The following TIFAB variants were observed in gnomAD, a reference collection of about 807,000 sequenced individuals.
The protein encoded by TIFAB is TIFA inhibitor.
For synonymous variants in TIFAB, 116 were observed against 95.2 expected (o/e 1.22, Z -1.27); for missense variants, 222 against 203.6 (o/e 1.09, Z -0.55).
At chr5:135,449,990 C>A (rs994158442) in intron 1 of TIFAB, 41 bp from the exon 2 acceptor site, 1 of 1,510,832 alleles carries the variant, frequency 6.6e-7, no homozygotes, top group African/African-American at 1.4e-5. Flanking sequence ...CAGCTTCAGT[C>A]AGAGACCTCT....
At chr5:135,450,067 T>A in intron 1 of TIFAB, 118 bp from the exon 2 acceptor site, 1 of 1,362,158 alleles carries the variant, frequency 7.3e-7, no homozygotes, top group Non-Finnish European at 9.9e-7. Context: ...ACAATCACTC[T>A]GCCCAAGCCA....
chr5:135,449,792 G>A lies in TIFAB; in HGVS notation c.148C>T (p.Leu50Phe), dbSNP rs778265867. The change falls in exon 2 of 2, where the codon CTC becomes TTC. Residue 50 changes from leucine to phenylalanine, a missense_variant. Coordinates refer to ENST00000537858, the MANE Select transcript of TIFAB (RefSeq NM_001099221.2). ...AGGTGACGGCGGGAGAGGCGAGGGA[G>A]CTGCAGCTGGAGGTGGGCGTCCTGC... ...RGQDAHLQLQLPRLSRRHLSL... is the reference protein window; with the variant it reads ...RGQDAHLQLQFPRLSRRHLSL... The A allele has an allele frequency of 6.2e-7, 1 of 1,610,824 alleles. No homozygotes were observed.
At position 135,447,880 on chromosome 5, in the gene TIFAB, T is replaced by C. The variant is rs1310422533; in HGVS notation, c.*1574A>G. The C allele has an allele frequency of 1.3e-5, 2 of 152,252 alleles. No homozygotes were observed. The highest frequency in any genetic ancestry group is 2.9e-5 in the Non-Finnish European group (2 of 68,070). The allele number at this position is 152,252 out of a possible 1,614,324, so 9.4% of individuals were successfully genotyped here. ...TGAGGGAGTTTGCCTTATTCACTTC[T>C]GGTTCAGTTCCGTGGCTTTGCACAG... On this transcript the variant is annotated 3_prime_UTR_variant, in exon 2 of 2. Transcript: ENST00000537858.
rs756109202 is a variant in TIFAB, at chr5:135,449,473, G to A, written c.467C>T (p.Pro156Leu). 1 of 1,613,788 alleles carries A rather than the reference G, an allele frequency of 6.2e-7. No individual in the cohort carries two copies. The highest frequency in any genetic ancestry group is 1.3e-5 in the African/African-American group (1 of 74,934). Residue 156 changes from proline (P) to leucine (L), a missense_variant, in exon 2 of 2, where the codon CCT (proline) becomes CTT (leucine). Physicochemically the swap from Pro to Leu is moderately conservative, Grantham distance 98. Transcript: ENST00000537858. ...GATCTGCTACCCTGAACCAGGGGGAGGCTGCCCCTGGGAGATGCCTTCCCA... is the reference window on the plus strand; with the variant it reads ...GATCTGCTACCCTGAACCAGGGGGAAGCTGCCCCTGGGAGATGCCTTCCCA... Reference protein sequence around the residue: ...DEWEGISQGQPPPGSG With the variant: ...DEWEGISQGQLPPGSG
rs776166540 is a variant in TIFAB, at chr5:135,446,422, T to C, written c.*3032A>G. ...TGCGGTGGGAGCTGAGAGAATGCAG[T>C]GGAGGTTGTTGGGAGGAACTCACCC... On this transcript the variant is annotated 3_prime_UTR_variant, in exon 2 of 2. Coordinates refer to ENST00000537858, the MANE Select transcript of TIFAB (RefSeq NM_001099221.2). 13 of 1,611,894 alleles carry C rather than the reference T, an allele frequency of 8.1e-6. No individual in the cohort carries two copies. In the Admixed American group the frequency reaches 1.7e-4, roughly 21 times the overall value.
At position 135,449,943 on chromosome 5, in the gene TIFAB, A is replaced by G. The variant is rs779016545; in HGVS notation, c.-4T>C. The G allele has an allele frequency of 6.6e-7, 1 of 1,517,472 alleles. No individual in the cohort carries two copies. The highest frequency in any genetic ancestry group is 2.3e-5 in the East Asian group (1 of 43,946). The allele number at this position is 1,517,472 out of a possible 1,614,324, so 94.0% of individuals were successfully genotyped here. A position where few individuals can be genotyped will look rare whatever the true frequency, so the allele number is the denominator to read the frequency against. Reference sequence around the variant, plus strand: ...GGACGGTGAGGGGCTTCTCCATGGAAGAAGTCCTGGGAAGTTGGAACATGG... The same window carrying G: ...GGACGGTGAGGGGCTTCTCCATGGAGGAAGTCCTGGGAAGTTGGAACATGG... On this transcript the variant is annotated 5_prime_UTR_variant, in exon 2 of 2. Transcript: ENST00000537858.
chr5:135,446,279 A>C lies in TIFAB; in HGVS notation c.*3175T>G. Reference sequence around the variant, plus strand: ...TTCTAACCCAGGCAGCAGTCTGACCAGAGGGCCCTAGCTGGGAGCAGCGTT... The same window carrying C: ...TTCTAACCCAGGCAGCAGTCTGACCCGAGGGCCCTAGCTGGGAGCAGCGTT... On this transcript the variant is annotated 3_prime_UTR_variant, in exon 2 of 2. Coordinates refer to ENST00000537858, the MANE Select transcript of TIFAB (RefSeq NM_001099221.2). 1 of 1,447,588 alleles carries C rather than the reference A, an allele frequency of 6.9e-7. No homozygotes were observed. Among genetic ancestry groups the C allele is most frequent in the Non-Finnish European group, 9.3e-7 (1 of 1,072,978 alleles). The allele number at this position is 1,447,588 out of a possible 1,614,324, so 89.7% of individuals were successfully genotyped here.
In TIFAB at chr5:135,449,601, C is replaced by T. The variant is rs1769330180; in HGVS notation, c.339G>A (p.Leu113=). The change falls in exon 2 of 2, where the codon CTG becomes CTA. Residue 113 remains leucine (L), a synonymous_variant. Coordinates refer to ENST00000537858, the MANE Select transcript of TIFAB (RefSeq NM_001099221.2). ...NRVSFSGIQM[L]VRVEEGTSLE... ...GGGATGTGCCTTCTTCTACGCGAAC[C>T]AGCATCTGGATGCCTGAGAAGGAGA... The T allele has an allele frequency of 6.2e-7, 1 of 1,614,114 alleles. No individual in the cohort carries two copies. The highest frequency in any genetic ancestry group is 1.7e-5 in the Admixed American group (1 of 60,018).
chr5:135,452,031 C>T (rs188726834), intron 1 of TIFAB, among the ~76,000 whole-genome samples, 178 bp downstream of exon 1: 4 of 152,358 alleles, frequency 2.6e-5, no homozygotes, highest in Admixed American at 6.5e-5. Context: ...CAGGCTGTCC[C>T]GTGTCTTTTG....
At position 135,449,539 on chromosome 5, in the gene TIFAB, G is replaced by C. The variant is rs764345039; in HGVS notation, c.401C>G (p.Ser134Ter). 3.7e-6 allele frequency: 6 copies of C among 1,614,224 alleles called. No individual in the cohort carries two copies. Among genetic ancestry groups the C allele is most frequent in the Non-Finnish European group, 5.1e-6 (6 of 1,180,044 alleles). Residue 134 changes from serine (S) to a stop codon, truncating the protein, a stop_gained, in exon 2 of 2, where the codon TCA becomes TGA. Coordinates refer to ENST00000537858, the MANE Select transcript of TIFAB (RefSeq NM_001099221.2). LOFTEE classifies it low-confidence loss of function (END_TRUNC). Reference protein sequence around the residue: ...AFVCYFHVSPSPLIYRPEAEE... With the variant: ...AFVCYFHVSP ...AGCCTCAGGTCTGTAAATCAGGGGT[G>C]AAGGGCTGACATGGAAATAGCAGAC... is the stretch of plus-strand genomic sequence containing the variant.
Position 135,446,884 on chromosome 5 carries a change from G to A in TIFAB, c.*2570C>T. The A allele has an allele frequency of 6.2e-7, 1 of 1,613,826 alleles. No homozygotes were observed. The highest frequency in any genetic ancestry group is 8.5e-7 in the Non-Finnish European group (1 of 1,179,810). ...CCTCTCGCAGGACCCCAGCTGGCAA[G>A]GTTTTGTTCCTCCCTGGAGGGTAGA... On this transcript the variant is annotated 3_prime_UTR_variant, in exon 2 of 2. Coordinates refer to ENST00000537858, the MANE Select transcript of TIFAB (RefSeq NM_001099221.2).
chr5:135,449,379 C>A lies in TIFAB; in HGVS notation c.*75G>T. ...CTCTGGAGCTGTATTTCTGTTCCTCCTCCAGGTCTTGGCTGGAGAGGGCTG... is the reference window on the plus strand; with the variant it reads ...CTCTGGAGCTGTATTTCTGTTCCTCATCCAGGTCTTGGCTGGAGAGGGCTG... On this transcript the variant is annotated 3_prime_UTR_variant, in exon 2 of 2. Transcript: ENST00000537858. 1.3e-6 allele frequency: 2 copies of A among 1,568,846 alleles called. No individual in the cohort carries two copies.
rs1769278416 is a variant in TIFAB, at chr5:135,446,942, A to G, written c.*2512T>C. On this transcript the variant is annotated 3_prime_UTR_variant, in exon 2 of 2. Transcript: ENST00000537858. Reference sequence around the variant, plus strand: ...ACTGAGGCCCTGGAGAGGGGCACTCAGGGGCAGCAGCTCATTCCCAAAGTT... The same window carrying G: ...ACTGAGGCCCTGGAGAGGGGCACTCGGGGGCAGCAGCTCATTCCCAAAGTT... The G allele has an allele frequency of 1.9e-6, 3 of 1,612,664 alleles. No homozygotes were observed. Among genetic ancestry groups the G allele is most frequent in the Non-Finnish European group, 2.5e-6 (3 of 1,179,254 alleles).
At position 135,446,598 on chromosome 5, in the gene TIFAB, A is replaced by AT; in HGVS notation, c.*2855dup. 5 of 1,614,032 alleles carry AT rather than the reference A, an allele frequency of 3.1e-6. No homozygotes were observed. Among genetic ancestry groups the AT allele is most frequent in the Non-Finnish European group, 4.2e-6 (5 of 1,179,884 alleles). On this transcript the variant is annotated 3_prime_UTR_variant, in exon 2 of 2. Transcript: ENST00000537858. Reference sequence around the variant, plus strand: ...TTCAGTGATTTTCTACTCAAGAAAAATGAAGTCTCGGATGGGCAGAGCTTA... The same window carrying AT: ...TTCAGTGATTTTCTACTCAAGAAAAATTGAAGTCTCGGATGGGCAGAGCTTA...
chr5:135,449,988 G>A (rs1769338606), intron 1 of TIFAB, 39 bp from the exon 2 acceptor site: 2 of 1,511,240 alleles, frequency 1.3e-6, no homozygotes, highest in Non-Finnish European at 1.8e-6. Context: ...CTCAGCTTCA[G>A]TCAGAGACCT....
At position 135,448,208 on chromosome 5, in the gene TIFAB, A is replaced by G. The variant is rs1769304734; in HGVS notation, c.*1246T>C. 6.6e-6 allele frequency: 1 copy of G among 152,204 alleles called. No homozygotes were observed. Among genetic ancestry groups the G allele is most frequent in the African/African-American group, 2.4e-5 (1 of 41,430 alleles). The allele number at this position is 152,204 out of a possible 1,614,324, so 9.4% of individuals were successfully genotyped here. A position where few individuals can be genotyped will look rare whatever the true frequency, so the allele number is the denominator to read the frequency against. ...GTGCAAAACGATCATCCTTTTGGGC[A>G]GAAAACAGAAATTGTTGACAGCTAC... is the stretch of plus-strand genomic sequence containing the variant. On this transcript the variant is annotated 3_prime_UTR_variant, in exon 2 of 2. Coordinates refer to ENST00000537858, the MANE Select transcript of TIFAB (RefSeq NM_001099221.2).
intron 1 of TIFAB, among the ~76,000 whole-genome samples, chr5:135,451,487 T>C (rs1267626721): frequency 6.8e-6 from 1 of 148,100 alleles, no homozygotes; most frequent in Non-Finnish European, 1.5e-5. Context: ...TTTTTTTTCT[T>C]TTTTTTTTTT....
rs750262105 is a variant in TIFAB at position 135,446,759 on chromosome 5, C to T, written c.*2695G>A. On this transcript the variant is annotated 3_prime_UTR_variant, in exon 2 of 2. Coordinates refer to ENST00000537858, the MANE Select transcript of TIFAB (RefSeq NM_001099221.2). Reference sequence around the variant, plus strand: ...CCGCCTGGTCTGGCCTGTCTTCCTTCTGCTGCTATGCAGTTCATCCTGGGT... The same window carrying T: ...CCGCCTGGTCTGGCCTGTCTTCCTTTTGCTGCTATGCAGTTCATCCTGGGT... 2 of 1,613,968 alleles carry T rather than the reference C, an allele frequency of 1.2e-6. No individual in the cohort carries two copies. Among genetic ancestry groups the T allele is most frequent in the Admixed American group, 3.3e-5 (2 of 60,026 alleles).
rs1769336721 is a variant in TIFAB, at chr5:135,449,877, G to C, written c.63C>G (p.Ala21=). The change falls in exon 2 of 2, where the codon GCC becomes GCG. Residue 21 remains alanine, a synonymous_variant. Coordinates refer to ENST00000537858, the MANE Select transcript of TIFAB (RefSeq NM_001099221.2). ...GCAGCCGTGGTGGGACATTGGCAAA[G>C]GCAGATGGGCCCAGCGTGGGATGGT... ...SLYHPTLGPS[A]FANVPPRLQH... 1.3e-6 allele frequency: 2 copies of C among 1,575,280 alleles called. No homozygotes were observed. The highest frequency in any genetic ancestry group is 2.4e-5 in the South Asian group (2 of 84,462).
Sources: allele counts gnomAD v4.1 joint callset (sites outside exome capture counted in the v4.1 genomes callset), GRCh38; gene constraint gnomAD v4.1.1; transcripts MANE v1.5; gene names NCBI Gene and HGNC (gene_info 2026-07-23, HGNC 2026-07-21).